The following CPXM2 variants were observed in gnomAD, a reference collection of about 807,000 sequenced individuals.
CPXM2 encodes the protein inactive carboxypeptidase-like protein X2.
In CPXM2, 66 loss-of-function variants were observed where a neutral mutation model predicts 86.1. That is an observed-to-expected ratio of 0.77 (90% confidence interval 0.63 to 0.94). The LOEUF is 0.94. CPXM2 is among the 40% of genes least tolerant of loss of function. The pLI, the probability that CPXM2 is intolerant of heterozygous loss-of-function variation, is 0.00. For missense variants in CPXM2, 948 were observed against 1,026.3 expected (o/e 0.92, Z 1.04); for synonymous variants, 388 against 400.2 (o/e 0.97, Z 0.36).
chr10:123,901,869 A>G (rs1227931962), intron 2 of CPXM2, among the ~76,000 whole-genome samples: 2 of 152,218 alleles, frequency 1.3e-5, no homozygotes, highest in Non-Finnish European at 2.9e-5. Flanking sequence ...GGGCTCAGTT[A>G]TATTGACCAA....
intron 11 of CPXM2, among the ~76,000 whole-genome samples, chr10:123,760,180 A>T (rs1216708023): frequency 6.6e-6 from 1 of 152,216 alleles, no homozygotes; most frequent in African/African-American, 2.4e-5. Context: ...GCGGCAGCCA[A>T]CTTCGCAAAA....
At chr10:123,905,171 G>A (rs1158310925) in intron 2 of CPXM2, among the ~76,000 whole-genome samples, 2 of 152,210 alleles carry the variant, frequency 1.3e-5, no homozygotes, top group South Asian at 4.1e-4. Context: ...TATTTCTAAT[G>A]TGGGCCTTTC....
chr10:123,752,235 TAAGG>T, intron 13 of CPXM2: 2 of 985,320 alleles, frequency 2.0e-6, no homozygotes, highest in Non-Finnish European at 2.4e-6. Flanking sequence ...CTGAATTAAT[TAAGG>T]AATAGTGAAT....
At chr10:123,826,602 A>G (rs1391082065) in intron 4 of CPXM2, among the ~76,000 whole-genome samples, 1 of 152,078 alleles carries the variant, frequency 6.6e-6, no homozygotes, top group Non-Finnish European at 1.5e-5. Context: ...TACTGTATTG[A>G]GCATTATATA....
In CPXM2 at chr10:123,891,653, G is replaced by A; in HGVS notation, c.7C>T (p.Arg3Cys). The A allele has an allele frequency of 2.8e-6, 4 of 1,432,054 alleles. No individual in the cohort carries two copies. Among genetic ancestry groups the A allele is most frequent in the Non-Finnish European group, 3.7e-6 (4 of 1,093,196 alleles). 88.7% of individuals were successfully genotyped at this position (1,432,054 alleles called of 1,614,324 possible). ...AGCGCTGGGGTAGCGGTCCCCGGGC[G>A]GGACATGCCTGCTCCGCCCCGCGCC... MS[R>C]PGTATPALAL... The change falls in exon 1 of 14, where the codon CGC (arginine) becomes TGC (cysteine). Residue 3 changes from arginine to cysteine, a missense_variant. Transcript: ENST00000241305. This position sits in a 1 kb window ranked among gnomAD's most constrained non-coding sequence, Gnocchi z 5.6.
At chr10:123,748,794 A>C (rs540548918) in intron 13 of CPXM2, among the ~76,000 whole-genome samples, 1 of 152,014 alleles carries the variant, frequency 6.6e-6, no homozygotes, top group South Asian at 2.1e-4. Flanking sequence ...GTCTTTGGAG[A>C]TCTCCCTCAG....
chr10:123,935,218 G>A (rs1247517506), intron 2 of CPXM2, among the ~76,000 whole-genome samples: 1 of 152,220 alleles, frequency 6.6e-6, no homozygotes, highest in East Asian at 1.9e-4. Flanking sequence ...TAAAAAAGCA[G>A]CCACAACTCA....
chr10:123,827,412 A>C (rs562573695), intron 4 of CPXM2, among the ~76,000 whole-genome samples: 2 of 152,354 alleles, frequency 1.3e-5, no homozygotes, highest in South Asian at 4.1e-4. Context: ...ATAGTGATGC[A>C]AAAATCATAA....
intron 2 of CPXM2, among the ~76,000 whole-genome samples, chr10:123,938,201 T>G (rs536044927): frequency 6.6e-6 from 1 of 152,348 alleles, no homozygotes; most frequent in East Asian, 1.9e-4. Context: ...ACGTATGTTC[T>G]GATTCAGCAG....
intron 2 of CPXM2, among the ~76,000 whole-genome samples, chr10:123,936,710 C>T (rs79563042): frequency 0.013 from 2,006 of 152,254 alleles, 44 homozygotes; most frequent in African/African-American, 0.04. Flanking sequence ...TCACACCCTG[C>T]GGCACTTTCC....
chr10:123,861,407 AC>A lies in CPXM2; in HGVS notation c.513+1206del, dbSNP rs1848846202. Among the ~76,000 whole-genome samples, 4 of 152,354 alleles carry A rather than the reference AC, an allele frequency of 2.6e-5. No homozygotes were observed. The South Asian group carries it at 8.3e-4, about 32-fold the overall frequency. ...CAGATCAGCAGGAGGTGGGGCAGGA[AC>A]AAAATGCCCTGGGGATGGGGCGGCA... On this transcript the variant is annotated intron_variant, in intron 3 of 13. Coordinates refer to ENST00000241305, the MANE Select transcript of CPXM2 (RefSeq NM_198148.3).
Position 123,842,604 on chromosome 10 carries a change from G to A in CPXM2, c.514-116C>T, listed in dbSNP as rs1848410833. ...GAGGATAGGAGAAGAAAATGAGGAA[G>A]GTGTTAAAGAAAAAAATAATTGTGC... On this transcript the variant is annotated intron_variant, in intron 3 of 13. Coordinates refer to ENST00000241305, the MANE Select transcript of CPXM2 (RefSeq NM_198148.3). The A allele has an allele frequency of 2.9e-6, 3 of 1,024,724 alleles. No individual in the cohort carries two copies. In the South Asian group the frequency reaches 5.0e-5, roughly 17 times the overall value. The allele number at this position is 1,024,724 out of a possible 1,614,324, so 63.5% of individuals were successfully genotyped here.
At chr10:123,886,139 G>C (rs533244797) in intron 1 of CPXM2, among the ~76,000 whole-genome samples, 55 of 152,304 alleles carry the variant, frequency 3.6e-4, no homozygotes, top group African/African-American at 1.3e-3. Context: ...AGTTTACCTG[G>C]ACAAAACACT....
At chr10:123,773,145 T>C (rs759872311) in intron 7 of CPXM2, among the ~76,000 whole-genome samples, 24 of 151,892 alleles carry the variant, frequency 1.6e-4, no homozygotes, top group African/African-American at 4.8e-4. Context: ...TCATTGTGGT[T>C]ATCAGCTCCC....
intron 2 of CPXM2, 142 bp downstream of exon 2, chr10:123,880,069 G>A (rs962380472): frequency 3.4e-6 from 2 of 587,528 alleles, no homozygotes; most frequent in African/African-American, 1.8e-5. Flanking sequence ...CCCGCACCAT[G>A]GATCGGAATA....
intron 11 of CPXM2, among the ~76,000 whole-genome samples, chr10:123,758,565 A>G (rs2133981582): frequency 6.6e-6 from 1 of 152,284 alleles, no homozygotes; most frequent in South Asian, 2.1e-4. Flanking sequence ...TCATTTTCCA[A>G]ATAAGCTAAC....
At position 123,891,323 on chromosome 10, in the gene CPXM2, C is replaced by T. The variant is rs763619392; in HGVS notation, c.304+33G>A. The stretch of plus-strand genomic sequence containing the variant: ...CTGGAGGCGCGCAACCACCGGCGCC[C>T]CCTCGGGCTGCCCAGCGCAGAAAGT... On this transcript the variant is annotated intron_variant, in intron 1 of 13. Transcript: ENST00000241305. The surrounding 1 kb of genome is among the most constrained non-coding windows in gnomAD (Gnocchi z 5.6). The T allele has an allele frequency of 1.1e-4, 165 of 1,459,818 alleles. No homozygotes were observed. Among genetic ancestry groups the T allele is most frequent in the Non-Finnish European group, 1.4e-4 (157 of 1,103,304 alleles). 90.4% of individuals were successfully genotyped at this position (1,459,818 alleles called of 1,614,324 possible).
intron 4 of CPXM2, among the ~76,000 whole-genome samples, chr10:123,803,118 CTTTTTTTTTTTTTTTT>C (rs532954173): frequency 4.7e-5 from 3 of 63,634 alleles, no homozygotes; most frequent in East Asian, 3.8e-4. Context: ...TTGTAGTACC[CTTTTTTTTTTTTTTTT>C]TTTTTTTTTT....
intron 12 of CPXM2, among the ~76,000 whole-genome samples, chr10:123,755,433 T>C (rs1257752492): frequency 1.3e-5 from 2 of 152,218 alleles, no homozygotes; most frequent in African/African-American, 2.4e-5. Flanking sequence ...CTGTGTGGAT[T>C]TGGAATGTAA....
Sources: allele counts gnomAD v4.1 joint callset (sites outside exome capture counted in the v4.1 genomes callset), GRCh38; gene constraint gnomAD v4.1.1; non-coding constraint Gnocchi (gnomAD v3.1); transcripts MANE v1.5; gene names NCBI Gene and HGNC (gene_info 2026-07-23, HGNC 2026-07-21).